Variants in DNAH12 observed in about 807,000 individuals in gnomAD.
The protein encoded by DNAH12 is dynein axonemal heavy chain 12, also known as axonemal beta dynein heavy chain 12.
Under a neutral mutation model 371.5 loss-of-function variants are expected in DNAH12, and 285 were observed. The observed-to-expected ratio is 0.77, with a 90% CI of 0.70 to 0.85. The LOEUF (loss-of-function observed/expected upper bound fraction) is 0.85. Ranked by LOEUF, DNAH12 falls within the 40% of genes least tolerant of loss-of-function variation. The probability of loss-of-function intolerance (pLI) is 0.00; values close to 1 mark genes in which losing one functional copy is unlikely to be tolerated. For synonymous variants in DNAH12, 1,200 were observed against 1,213.0 expected (o/e 0.99, Z 0.22); for missense variants, 3,611 against 3,689.4 (o/e 0.98, Z 0.55).
intron 30 of DNAH12, among the ~76,000 whole-genome samples, chr3:57,434,277 G>C (rs1176701670): frequency 6.6e-6 from 1 of 152,186 alleles, no homozygotes; most frequent in South Asian, 2.1e-4. Context: ...TAACCAACGG[G>C]TAATAAATGG....
intron 43 of DNAH12, among the ~76,000 whole-genome samples, chr3:57,398,903 C>A (rs989356539): frequency 1.3e-5 from 2 of 152,058 alleles, no homozygotes; most frequent in Admixed American, 1.3e-4. Context: ...AATAGAGAAT[C>A]CTGTATTATT....
intron 29 of DNAH12, 30 bp downstream of exon 29, chr3:57,444,667 C>A: frequency 1.3e-6 from 2 of 1,542,754 alleles, no homozygotes; most frequent in South Asian, 1.2e-5. Context: ...TTTATTATGC[C>A]GAATAAGTCA....
chr3:57,373,338 C>G (rs1261016114), intron 55 of DNAH12, among the ~76,000 whole-genome samples: 4 of 145,682 alleles, frequency 2.7e-5, no homozygotes, highest in African/African-American at 1.0e-4. Flanking sequence ...TTTTTTGAGA[C>G]AGAGTCTCAC....
At chr3:57,419,858 T>C (rs942438393) in intron 36 of DNAH12, among the ~76,000 whole-genome samples, 7 of 152,172 alleles carry the variant, frequency 4.6e-5, no homozygotes, top group Non-Finnish European at 1.0e-4. Flanking sequence ...ACTCCAATAT[T>C]CCCCAAATGC....
At chr3:57,378,168 C>G (rs2063320102) in intron 52 of DNAH12, among the ~76,000 whole-genome samples, 1 of 151,998 alleles carries the variant, frequency 6.6e-6, no homozygotes, top group Non-Finnish European at 1.5e-5. Context: ...CATGGGGCAG[C>G]TTGTATCAGA....
intron 30 of DNAH12, among the ~76,000 whole-genome samples, chr3:57,436,209 A>G (rs1439193619): frequency 6.6e-6 from 1 of 152,114 alleles, no homozygotes; most frequent in Non-Finnish European, 1.5e-5. Flanking sequence ...TAACTTACTT[A>G]TATAACATAT....
chr3:57,395,852 G>C (rs2063725367), intron 43 of DNAH12, among the ~76,000 whole-genome samples: 2 of 152,062 alleles, frequency 1.3e-5, no homozygotes, highest in South Asian at 4.1e-4. Flanking sequence ...AGCTACTAGG[G>C]AGGGTGAGGT....
intron 12 of DNAH12, among the ~76,000 whole-genome samples, chr3:57,485,772 A>G (rs563054252): frequency 6.6e-6 from 1 of 152,248 alleles, no homozygotes; most frequent in Admixed American, 6.5e-5. Context: ...TATAAGTGGG[A>G]GCTAGGCTAT....
intron 69 of DNAH12, among the ~76,000 whole-genome samples, chr3:57,307,179 A>G (rs2061490076): frequency 1.3e-5 from 2 of 152,038 alleles, no homozygotes; most frequent in South Asian, 4.1e-4. Flanking sequence ...CTCAAACCCC[A>G]GCACCTACAA....
At chr3:57,383,062 A>G (rs2063428556) in intron 49 of DNAH12, among the ~76,000 whole-genome samples, 1 of 152,160 alleles carries the variant, frequency 6.6e-6, no homozygotes, top group Non-Finnish European at 1.5e-5. Flanking sequence ...TATAGATTAC[A>G]GTGGAGGTTA....
Position 57,390,424 on chromosome 3 carries a change from A to AAATATAT in DNAH12, c.7305+1447_7305+1448insATATATT. 6.0e-5 allele frequency among the ~76,000 whole-genome samples: 2 copies of AAATATAT among 33,440 alleles called. 1 individual carries two copies. 21.9% of individuals were successfully genotyped at this position (33,440 alleles called of 152,430 possible). On this transcript the variant is annotated intron_variant, in intron 45 of 73. Transcript: ENST00000495027. Reference sequence around the variant, plus strand: ...ATCCTGTCTCAAAAAAAAAAAAAAAAATATATATATATATATATATATATA... The same window carrying AAATATAT: ...ATCCTGTCTCAAAAAAAAAAAAAAAAAATATATATATATATATATATATATATATATA...
intron 34 of DNAH12, among the ~76,000 whole-genome samples, chr3:57,428,121 G>A (rs1240274097): frequency 1.3e-5 from 2 of 151,954 alleles, no homozygotes; most frequent in Non-Finnish European, 2.9e-5. Context: ...TAGAGACAGG[G>A]TTTCACCATA....
chr3:57,520,513 G>A (rs913125847), intron 4 of DNAH12, among the ~76,000 whole-genome samples: 2 of 150,400 alleles, frequency 1.3e-5, no homozygotes, highest in Admixed American at 6.7e-5. Flanking sequence ...CACCATCTCG[G>A]CTCACTGCAA....
intron 18 of DNAH12, 57 bp downstream of exon 18, chr3:57,462,633 G>A (rs1479665433): frequency 6.6e-7 from 1 of 1,508,504 alleles, no homozygotes; most frequent in South Asian, 1.3e-5. Context: ...CAAAAACTAT[G>A]ATTACTTGAT....
At chr3:57,551,434 G>T in the DNAH12 span, among the ~76,000 whole-genome samples, 2 of 150,934 alleles carry the variant, frequency 1.3e-5, no homozygotes, top group African/African-American at 4.9e-5. Flanking sequence ...ACCACGCCCT[G>T]CTAATTTTTT....
rs1242538041 is a variant in DNAH12 at position 57,394,279 on chromosome 3, C to T, written c.7002G>A (p.Thr2334=). The part of the protein sequence containing the change: ...MKGQKTVFLI[T]DTQIKEEAFL... Reference sequence around the variant, plus strand: ...AAGCTTCCTCTTTAATCTGAGTGTCCGTGATAAGAAAGACGGTCTTCTGGC... The same window carrying T: ...AAGCTTCCTCTTTAATCTGAGTGTCTGTGATAAGAAAGACGGTCTTCTGGC... Residue 2334 remains threonine (T), a synonymous_variant, in exon 44 of 74, where the codon ACG becomes ACA. Transcript: ENST00000495027. 1 of 152,194 alleles carries T rather than the reference C, an allele frequency of 6.6e-6. No homozygotes were observed. The highest frequency in any genetic ancestry group is 6.5e-5 in the Admixed American group (1 of 15,274). The allele number at this position is 152,194 out of a possible 1,614,324, so 9.4% of individuals were successfully genotyped here. A position where few individuals can be genotyped will look rare whatever the true frequency, so the allele number is the denominator to read the frequency against.
chr3:57,302,799 C>G (rs1372076353), intron 69 of DNAH12, among the ~76,000 whole-genome samples: 37 of 148,872 alleles, frequency 2.5e-4, no homozygotes, highest in African/African-American at 9.1e-4. Flanking sequence ...TGGTCTCGAA[C>G]TCCTGACCTC....
chr3:57,386,303 G>A, intron 47 of DNAH12, 138 bp downstream of exon 47: 1 of 152,242 alleles, frequency 6.6e-6, no homozygotes, highest in East Asian at 1.9e-4. Context: ...TTGTTATGAA[G>A]AATAACTGAA....
chr3:57,370,274 A>T (rs2063142878), intron 55 of DNAH12, among the ~76,000 whole-genome samples: 1 of 152,224 alleles, frequency 6.6e-6, no homozygotes, highest in Non-Finnish European at 1.5e-5. Context: ...ACATAGCAAA[A>T]TCAGAGCTTA....
Sources: gnomAD v4.1 joint callset for allele counts (sites outside exome capture counted in the v4.1 genomes callset) on GRCh38, gnomAD v4.1.1 for gene constraint, MANE v1.5 for transcripts, NCBI Gene and HGNC (gene_info 2026-07-23, HGNC 2026-07-21) for gene names.